The following GNPTAB variants were observed in gnomAD, a reference collection of about 807,000 sequenced individuals.
GNPTAB encodes the protein N-acetylglucosamine-1-phosphotransferase subunits alpha/beta.
A neutral mutation model predicts 136.6 loss-of-function variants in GNPTAB; 92 were observed. That is an observed-to-expected ratio of 0.67 (90% confidence interval 0.57 to 0.80). The LOEUF (loss-of-function observed/expected upper bound fraction) is 0.80, where lower values mean the gene tolerates loss of function less well. Among genes scored for constraint, GNPTAB ranks in the 30% least tolerant of loss-of-function variants. GNPTAB has a pLI of 0.00. For missense variants in GNPTAB, 1,343 were observed against 1,501.8 expected, an observed-to-expected ratio of 0.89 and a Z score of 1.75; for synonymous variants, 512 against 535.1, an observed-to-expected ratio of 0.96 and a Z score of 0.60.
chr12:101,775,093 A>G (rs1594225187), intron 7 of GNPTAB, among the ~76,000 whole-genome samples: 3 of 152,232 alleles, frequency 2.0e-5, no homozygotes, highest in South Asian at 2.1e-4. Flanking sequence ...CAACAGGTCT[A>G]AACTGTGAAT....
chr12:101,819,367 T>G (rs1322549215), intron 1 of GNPTAB, among the ~76,000 whole-genome samples: 1 of 152,148 alleles, frequency 6.6e-6, no homozygotes, highest in Admixed American at 6.5e-5. Context: ...CACAGCAGTA[T>G]GAAAATGGAC....
At chr12:101,766,010 T>A in intron 12 of GNPTAB, 81 bp downstream of exon 12, 3 of 1,162,008 alleles carry the variant, frequency 2.6e-6, no homozygotes, top group Non-Finnish European at 3.9e-6. Flanking sequence ...TTATTTTAAA[T>A]AACAAAAGCC....
At chr12:101,811,334 A>G (rs558134358) in intron 1 of GNPTAB, among the ~76,000 whole-genome samples, 7 of 152,180 alleles carry the variant, frequency 4.6e-5, no homozygotes, top group Middle Eastern at 6.8e-3. Flanking sequence ...CTGTGTTCCA[A>G]TGAAACTCAA....
At chr12:101,775,244 T>C (rs2137130480) in intron 7 of GNPTAB, among the ~76,000 whole-genome samples, 1 of 152,378 alleles carries the variant, frequency 6.6e-6, no homozygotes, top group East Asian at 1.9e-4. Context: ...TTTGGATTCA[T>C]TTGATTTAAA....
chr12:101,800,399 T>C (rs923890583), intron 1 of GNPTAB, among the ~76,000 whole-genome samples: 2 of 151,816 alleles, frequency 1.3e-5, no homozygotes, highest in African/African-American at 4.8e-5. Flanking sequence ...AATCAATGGA[T>C]AGAGAACATC....
intron 1 of GNPTAB, among the ~76,000 whole-genome samples, chr12:101,817,272 T>TTC (rs1870557281): frequency 6.8e-6 from 1 of 146,970 alleles, no homozygotes; most frequent in Admixed American, 6.8e-5. Flanking sequence ...CCACTTTTTT[T>TTC]TTTTTTTTTT....
At chr12:101,770,320 G>T in intron 9 of GNPTAB, 86 bp downstream of exon 9, 1 of 1,362,748 alleles carries the variant, frequency 7.3e-7, no homozygotes. Context: ...GAAGGGTAAA[G>T]GGAATGAAAT....
rs995424078 is a variant in GNPTAB at position 101,806,051 on chromosome 12, A to C, written c.118-9289T>G. On this transcript the variant is annotated intron_variant, in intron 1 of 20. Transcript: ENST00000299314. ...TAAAACATAGTAACTTAATTTTCTC[A>C]GTCAATAAATATTATGTGGCATCAT... 2.0e-5 allele frequency among the ~76,000 whole-genome samples: 3 copies of C among 152,364 alleles called. No homozygotes were observed. The South Asian group carries it at 6.2e-4, about 32-fold the overall frequency.
At chr12:101,773,189 A>G in intron 7 of GNPTAB, 1 of 238,556 alleles carries the variant, frequency 4.2e-6, no homozygotes, top group Non-Finnish European at 8.5e-6. Context: ...CACTTTCCTC[A>G]CTTGATAGTT....
intron 1 of GNPTAB, among the ~76,000 whole-genome samples, chr12:101,821,563 A>T (rs367844152): frequency 1.2e-4 from 18 of 152,342 alleles, no homozygotes; most frequent in East Asian, 3.9e-4. Context: ...GAACAGTTGC[A>T]GACTCATCCA....
chr12:101,768,155 A>G lies in GNPTAB; in HGVS notation c.1290T>C (p.Tyr430=), dbSNP rs1173541894. 7.4e-6 allele frequency: 12 copies of G among 1,614,224 alleles called. No homozygotes were observed. The highest frequency in any genetic ancestry group is 1.0e-5 in the Non-Finnish European group (12 of 1,180,018). The change falls in exon 11 of 21, where the codon TAT becomes TAC. Residue 430 remains tyrosine (Y), a synonymous_variant. Transcript: ENST00000299314. ...FYSHSKGQKV[Y]LTWPVPNCAE... Reference sequence around the variant, plus strand: ...CACAGTTTGGCACAGGCCATGTCAAATAAACCTACGATAAAACCAAAGAGA... The same window carrying G: ...CACAGTTTGGCACAGGCCATGTCAAGTAAACCTACGATAAAACCAAAGAGA...
rs771918262 is a variant in GNPTAB at position 101,786,023 on chromosome 12, C to T, written c.560G>A (p.Ser187Asn). 3.1e-6 allele frequency: 5 copies of T among 1,610,020 alleles called. No homozygotes were observed. Among genetic ancestry groups the T allele is most frequent in the Admixed American group, 3.3e-5 (2 of 60,012 alleles). Residue 187 changes from serine to asparagine, a missense_variant, in exon 5 of 21, where the codon AGT (serine) becomes AAT (asparagine). Physicochemically the swap from Ser to Asn is conservative, Grantham distance 46 (BLOSUM62 1). Transcript: ENST00000299314. ...STNVSVVVFD[S>N]TKDVEDAHSG... ...TAAAAAGATCTTACCATCCTTAGTA[C>T]TGTCAAAAACAACAACTGAGACATT...
intron 1 of GNPTAB, among the ~76,000 whole-genome samples, chr12:101,806,754 A>G (rs999620377): frequency 1.3e-5 from 2 of 152,174 alleles, no homozygotes; most frequent in African/African-American, 4.8e-5. Context: ...GAATAGGGCT[A>G]TATCTATAAA....
At chr12:101,766,768 TA>T in intron 11 of GNPTAB, among the ~76,000 whole-genome samples, 1 of 152,056 alleles carries the variant, frequency 6.6e-6, no homozygotes, top group Non-Finnish European at 1.5e-5. Context: ...AAGAAGAAAA[TA>T]AACGTAAAAG....
intron 1 of GNPTAB, among the ~76,000 whole-genome samples, chr12:101,803,159 G>A (rs988763553): frequency 6.6e-6 from 1 of 152,056 alleles, no homozygotes; most frequent in African/African-American, 2.4e-5. Context: ...TCAGAATCAA[G>A]GTCCCTCTAA....
In GNPTAB at chr12:101,749,108, G is replaced by T; in HGVS notation, c.3686C>A (p.Ala1229Asp). ...LIMFTIFSFF[A>D]EQLIALKRKI... ...AAAATATATAAAACTTACCTGCTCA[G>T]CAAAAAATGAGAATATAGTAAACAT... The change falls in exon 20 of 21, where the codon GCT becomes GAT. Residue 1229 changes from alanine to aspartate, a missense_variant. By Grantham distance (126) the Ala-to-Asp change is moderately radical. Coordinates refer to ENST00000299314, the MANE Select transcript of GNPTAB (RefSeq NM_024312.5). The T allele has an allele frequency of 6.3e-7, 1 of 1,593,210 alleles. No homozygotes were observed. Among genetic ancestry groups the T allele is most frequent in the South Asian group, 1.1e-5 (1 of 90,570 alleles).
chr12:101,827,980 A>C (rs1871185082), intron 1 of GNPTAB, among the ~76,000 whole-genome samples: 1 of 152,230 alleles, frequency 6.6e-6, no homozygotes, highest in Non-Finnish European at 1.5e-5. Context: ...AAAACAAAAA[A>C]AACAATGATC....
At chr12:101,778,255 C>T (rs1953288212) in intron 7 of GNPTAB, 1 of 152,188 alleles carries the variant, frequency 6.6e-6, no homozygotes. Flanking sequence ...GTGGGATATT[C>T]AAACAGAGTG....
chr12:101,796,786 T>C lies in GNPTAB; in HGVS notation c.118-24A>G, dbSNP rs759030438. ...ACCTAGAACAAAGAAAAAGAAACGT[T>C]TTCTTCGCATCAAAGACTAAGAGTA... On this transcript the variant is annotated intron_variant, in intron 1 of 20. Transcript: ENST00000299314. 4.9e-6 allele frequency: 7 copies of C among 1,442,044 alleles called. No individual in the cohort carries two copies. The African/African-American group carries it at 9.9e-5, about 20-fold the overall frequency. 89.3% of individuals were successfully genotyped at this position (1,442,044 alleles called of 1,614,324 possible).
Sources: allele counts gnomAD v4.1 joint callset (sites outside exome capture counted in the v4.1 genomes callset), GRCh38; gene constraint gnomAD v4.1.1; transcripts MANE v1.5; gene names NCBI Gene and HGNC (gene_info 2026-07-23, HGNC 2026-07-21).